SPOCK1: variants seen among roughly 807,000 people sequenced by gnomAD.
SPOCK1 encodes SPARC (osteonectin), cwcv and kazal like domains proteoglycan 1.
SPOCK1 carries 23 observed loss-of-function variants against 55.3 expected under a neutral mutation model. That is an observed-to-expected ratio of 0.42 (90% CI 0.30 to 0.59). The LOEUF is 0.59. SPOCK1 is among the 20% of genes least tolerant of loss of function. SPOCK1 has a pLI of 0.22. For missense variants in SPOCK1, 499 were observed against 552.5 expected, an observed-to-expected ratio of 0.90 and a Z score of 0.97; for synonymous variants, 226 against 221.0, an observed-to-expected ratio of 1.02 and a Z score of -0.20.
chr5:137,319,914 C>T (rs967656227), intron 2 of SPOCK1, among the ~76,000 whole-genome samples: 2 of 143,520 alleles, frequency 1.4e-5, no homozygotes, highest in African/African-American at 5.1e-5. Flanking sequence ...CACTGCAGTC[C>T]GCAGTCCGGC....
At chr5:137,306,264 A>AC (rs1757699304) in intron 2 of SPOCK1, among the ~76,000 whole-genome samples, 2 of 152,248 alleles carry the variant, frequency 1.3e-5, no homozygotes, top group Non-Finnish European at 1.5e-5. Flanking sequence ...TATCAGACAC[A>AC]TAAAACCACC....
Position 136,979,479 on chromosome 5 carries a change from C to A in SPOCK1, c.992-10G>T, listed in dbSNP as rs1221192550. On this transcript the variant is annotated splice_polypyrimidine_tract_variant and intron_variant, in intron 9 of 10. Transcript: ENST00000394945. ...CGAGGTATGAAGGCCCCTGGGGGAA[C>A]AAAAGGTGCAACTTTAATCAGAGAC... is the stretch of plus-strand genomic sequence containing the variant. 2.5e-6 allele frequency: 4 copies of A among 1,608,578 alleles called. No individual in the cohort carries two copies. The highest frequency in any genetic ancestry group is 3.4e-5 in the Admixed American group (2 of 59,194).
At chr5:137,100,859 T>C (rs918901917) in intron 5 of SPOCK1, among the ~76,000 whole-genome samples, 4 of 135,150 alleles carry the variant, frequency 3.0e-5, no homozygotes, top group East Asian at 2.1e-4. Context: ...AAATGTTTCA[T>C]TTGTTTCCGA....
chr5:137,096,836 G>A lies in SPOCK1; in HGVS notation c.474+15599C>T, dbSNP rs1169519790. Among the ~76,000 whole-genome samples, 3 of 152,222 alleles carry A rather than the reference G, an allele frequency of 2.0e-5. No individual in the cohort carries two copies. The East Asian group carries it at 5.8e-4, about 29-fold the overall frequency. Reference sequence around the variant, plus strand: ...TCCCAGGTTAGTGTGAATTGGTGTAGTTCTGTCATAGTGGCTTTTGCAGTG... The same window carrying A: ...TCCCAGGTTAGTGTGAATTGGTGTAATTCTGTCATAGTGGCTTTTGCAGTG... On this transcript the variant is annotated intron_variant, in intron 5 of 10. Transcript: ENST00000394945.
At chr5:137,074,936 C>T (rs537239051) in intron 5 of SPOCK1, among the ~76,000 whole-genome samples, 90 of 152,262 alleles carry the variant, frequency 5.9e-4, no homozygotes, top group Non-Finnish European at 1.2e-3. Flanking sequence ...ATCTCCTGAC[C>T]TCGTGATCAG....
intron 2 of SPOCK1, among the ~76,000 whole-genome samples, chr5:137,460,560 A>T (rs868378211): frequency 1.3e-5 from 2 of 152,180 alleles, no homozygotes; most frequent in African/African-American, 2.4e-5. Context: ...TCCAGGATGA[A>T]TATTGGACAG....
intron 2 of SPOCK1, among the ~76,000 whole-genome samples, chr5:137,397,619 T>G (rs1050943535): frequency 6.6e-6 from 1 of 152,200 alleles, no homozygotes; most frequent in Non-Finnish European, 1.5e-5. Flanking sequence ...CTGTCTGTCC[T>G]CTGCTAAAGA....
In SPOCK1 at chr5:137,227,246, C is replaced by A. The variant is rs528968142; in HGVS notation, c.232+39764G>T. 9.9e-5 allele frequency among the ~76,000 whole-genome samples: 15 copies of A among 152,256 alleles called. No individual in the cohort carries two copies. In the South Asian group the frequency reaches 2.7e-3, roughly 27 times the overall value. Reference sequence around the variant, plus strand: ...TGGCAATACTCCTCAAAGCATGGACCCTGAAATCCTGGGGTTCCAAGAAAG... The same window carrying A: ...TGGCAATACTCCTCAAAGCATGGACACTGAAATCCTGGGGTTCCAAGAAAG... On this transcript the variant is annotated intron_variant, in intron 3 of 10. Transcript: ENST00000394945.
intron 2 of SPOCK1, among the ~76,000 whole-genome samples, chr5:137,439,797 A>T (rs1752950432): frequency 6.6e-6 from 1 of 151,692 alleles, no homozygotes; most frequent in Admixed American, 6.5e-5. Flanking sequence ...CAGGTGGCAG[A>T]TGATAAGCAT....
intron 4 of SPOCK1, among the ~76,000 whole-genome samples, chr5:137,128,502 A>G (rs1478099966): frequency 1.3e-5 from 2 of 152,240 alleles, no homozygotes; most frequent in Non-Finnish European, 2.9e-5. Context: ...ATGTACTGGT[A>G]CTAAGCTCAC....
intron 2 of SPOCK1, among the ~76,000 whole-genome samples, chr5:137,282,087 G>T (rs190294442): frequency 6.6e-6 from 1 of 152,278 alleles, no homozygotes; most frequent in East Asian, 1.9e-4. Context: ...TTAACGGGAG[G>T]ATTATTTGAG....
intron 2 of SPOCK1, among the ~76,000 whole-genome samples, chr5:137,305,339 C>T (rs945687467): frequency 6.6e-6 from 1 of 152,220 alleles, no homozygotes; most frequent in African/African-American, 2.4e-5. Flanking sequence ...TCTCTTCTCC[C>T]TGCATAAGGA....
chr5:137,160,551 T>TATATA (rs1561631586), intron 3 of SPOCK1, among the ~76,000 whole-genome samples: 6 of 28,126 alleles, frequency 2.1e-4, no homozygotes, highest in African/African-American at 1.1e-3. Context: ...ATATATATAA[T>TATATA]ATATATTATA....
chr5:137,190,969 T>C (rs1755169239), intron 3 of SPOCK1, among the ~76,000 whole-genome samples: 1 of 152,216 alleles, frequency 6.6e-6, no homozygotes, highest in African/African-American at 2.4e-5. Context: ...GAAATAAGCC[T>C]GTCCCAGACA....
At position 137,172,683 on chromosome 5, in the gene SPOCK1, C is replaced by T. The variant is rs1364867535; in HGVS notation, c.233-31989G>A. Among the ~76,000 whole-genome samples the T allele has an allele frequency of 4.6e-5, 7 of 152,164 alleles. No individual in the cohort carries two copies. In the South Asian group the frequency reaches 6.2e-4, roughly 14 times the overall value. On this transcript the variant is annotated intron_variant, in intron 3 of 10. Coordinates refer to ENST00000394945, the MANE Select transcript of SPOCK1 (RefSeq NM_004598.4). ...GCCAAGGTGCTGTTTCTAGTCTTAA[C>T]TACACACTCCCAATGTCTAATACAC... is the stretch of plus-strand genomic sequence containing the variant.
chr5:137,358,286 C>T (rs1750861258), intron 2 of SPOCK1, among the ~76,000 whole-genome samples: 1 of 151,908 alleles, frequency 6.6e-6, no homozygotes, highest in Non-Finnish European at 1.5e-5. Flanking sequence ...TGATGTTCAT[C>T]CAACACCACT....
intron 2 of SPOCK1, among the ~76,000 whole-genome samples, chr5:137,426,302 T>C (rs1752609946): frequency 6.6e-6 from 1 of 152,210 alleles, no homozygotes; most frequent in Non-Finnish European, 1.5e-5. Context: ...GCAGTCCATT[T>C]GGTGATAAGA....
At chr5:136,985,010 G>T in intron 9 of SPOCK1, 130 bp downstream of exon 9, 1 of 927,042 alleles carries the variant, frequency 1.1e-6, no homozygotes, top group Non-Finnish European at 1.8e-6. Flanking sequence ...AGCTCTGCCT[G>T]GGGTTAAAAC....
At chr5:137,112,603 G>A (rs912594867) in intron 4 of SPOCK1, 42 bp from the exon 5 acceptor site, 57 of 1,596,828 alleles carry the variant, frequency 3.6e-5, no homozygotes, top group Non-Finnish European at 4.8e-5. Flanking sequence ...TGAAGCTCCA[G>A]ACCCTATGAG....
Sources: gnomAD v4.1 joint callset for allele counts (sites outside exome capture counted in the v4.1 genomes callset) on GRCh38, gnomAD v4.1.1 for gene constraint, MANE v1.5 for transcripts, NCBI Gene and HGNC (gene_info 2026-07-23, HGNC 2026-07-21) for gene names.